ITK: variants seen among roughly 807,000 people sequenced by gnomAD.
ITK encodes tyrosine-protein kinase ITK/TSK.
A neutral mutation model predicts 87.6 loss-of-function variants in ITK; 45 were observed. The ratio of observed to expected loss-of-function variants is 0.51; its 90% confidence interval spans 0.40 to 0.66. The LOEUF is 0.66. Among genes scored for constraint, ITK ranks in the 30% least tolerant of loss-of-function variants. ITK has a pLI of 0.00. For synonymous variants in ITK, 303 were observed against 273.6 expected, an observed-to-expected ratio of 1.11 and a Z score of -1.06; for missense variants, 605 against 766.3, an observed-to-expected ratio of 0.79 and a Z score of 2.48.
intron 3 of ITK, among the ~76,000 whole-genome samples, chr5:157,213,988 G>A (rs137983664): frequency 1.4e-4 from 21 of 152,304 alleles, no homozygotes; most frequent in Non-Finnish European, 2.6e-4. Context: ...GCCTAGATGT[G>A]CTGATGCCTA....
In ITK at chr5:157,208,872, T is replaced by A. The variant is rs187317943; in HGVS notation, c.139-17T>A. On this transcript the variant is annotated splice_polypyrimidine_tract_variant and intron_variant, in intron 1 of 16. Coordinates refer to ENST00000422843, the MANE Select transcript of ITK (RefSeq NM_005546.4). ...TCTTCTTTCTTACATGAATGGGATG[T>A]TCTTCTCTCCCCACAGAAGAAGCGC... The A allele has an allele frequency of 5.8e-6, 9 of 1,557,396 alleles. No individual in the cohort carries two copies. In the East Asian group the frequency reaches 1.8e-4, roughly 31 times the overall value.
At chr5:157,236,236 G>T (rs902998567) in intron 8 of ITK, among the ~76,000 whole-genome samples, 5 of 152,104 alleles carry the variant, frequency 3.3e-5, no homozygotes, top group African/African-American at 1.2e-4. Context: ...TTAGCCAGGC[G>T]TGGTGGCGGG....
rs1755182899 is a variant in ITK at position 157,253,380 on chromosome 5, C to T, written c.*702C>T. On this transcript the variant is annotated 3_prime_UTR_variant, in exon 17 of 17. Transcript: ENST00000422843. ...TGGATTGGGGTGAACAGTTCAGGTC[C>T]CATGCTTGGAGCATTGGGTATCTGA... 2 of 228,086 alleles carry T rather than the reference C, an allele frequency of 8.8e-6. No individual in the cohort carries two copies. Among genetic ancestry groups the T allele is most frequent in the Non-Finnish European group, 1.7e-5 (2 of 114,948 alleles). 14.1% of individuals were successfully genotyped at this position (228,086 alleles called of 1,614,324 possible).
rs760575518 is a variant in ITK, at chr5:157,245,905, C to T, written c.1539C>T (p.Thr513=). Residue 513 remains threonine (T), a synonymous_variant, in exon 15 of 17, where the codon ACC becomes ACT. Coordinates refer to ENST00000422843, the MANE Select transcript of ITK (RefSeq NM_005546.4). ...GGTTCGTTCTGGATGATCAGTACAC[C>T]AGTTCCACAGGCACCAAATTCCCGG... ...MTRFVLDDQY[T]SSTGTKFPVK... is the part of the protein sequence containing the mutation. 6.2e-7 allele frequency: 1 copy of T among 1,614,026 alleles called. No individual in the cohort carries two copies. The highest frequency in any genetic ancestry group is 1.3e-5 in the African/African-American group (1 of 74,944).
At chr5:157,235,047 T>G (rs1754750042) in intron 8 of ITK, among the ~76,000 whole-genome samples, 1 of 152,226 alleles carries the variant, frequency 6.6e-6, no homozygotes, top group Admixed American at 6.5e-5. Flanking sequence ...ATCTTGTTCC[T>G]GCTGTACTTA....
chr5:157,222,790 A>C (rs1327679112), intron 5 of ITK, 73 bp from the exon 6 acceptor site: 1 of 1,471,358 alleles, frequency 6.8e-7, no homozygotes. Flanking sequence ...GTCTCCCCAG[A>C]CACCCCGATG....
Position 157,253,000 on chromosome 5 carries a change from CAGAG to C in ITK, c.*328_*331del. The C allele has an allele frequency of 6.9e-6, 3 of 437,704 alleles. No individual in the cohort carries two copies. The highest frequency in any genetic ancestry group is 1.3e-5 in the Non-Finnish European group (3 of 233,856). 27.1% of individuals were successfully genotyped at this position (437,704 alleles called of 1,614,324 possible). A position where few individuals can be genotyped will look rare whatever the true frequency, so the allele number is the denominator to read the frequency against. On this transcript the variant is annotated 3_prime_UTR_variant, in exon 17 of 17. Coordinates refer to ENST00000422843, the MANE Select transcript of ITK (RefSeq NM_005546.4). ...ACAGCATTCTTGCACTTCTTAGCAA[CAGAG>C]AGAGACATGAGTAAGACCCAGATTG...
At chr5:157,212,933 C>T (rs1291950457) in intron 3 of ITK, among the ~76,000 whole-genome samples, 5 of 152,100 alleles carry the variant, frequency 3.3e-5, no homozygotes, top group African/African-American at 4.8e-5. Flanking sequence ...GGATTTTATA[C>T]ACAGGGTGTT....
Position 157,239,072 on chromosome 5 carries a change from C to T in ITK, c.851+881C>T, listed in dbSNP as rs565378086. 6.6e-5 allele frequency among the ~76,000 whole-genome samples: 10 copies of T among 152,228 alleles called. No individual in the cohort carries two copies. The South Asian group carries it at 1.9e-3, about 28-fold the overall frequency. ...CATCACAGAGGGGCCGTGCCTCTACCATGGCTGGGAGACAGTAAGGAGGTG... is the reference window on the plus strand; with the variant it reads ...CATCACAGAGGGGCCGTGCCTCTACTATGGCTGGGAGACAGTAAGGAGGTG... On this transcript the variant is annotated intron_variant, in intron 9 of 16. Coordinates refer to ENST00000422843, the MANE Select transcript of ITK (RefSeq NM_005546.4).
chr5:157,245,840 C>T, intron 14 of ITK, 41 bp from the exon 15 acceptor site: 3 of 1,608,556 alleles, frequency 1.9e-6, no homozygotes, highest in South Asian at 2.2e-5. Flanking sequence ...GGACTGAGGC[C>T]CCCGGAACAT....
At chr5:157,184,312 T>C (rs564335584) in intron 1 of ITK, among the ~76,000 whole-genome samples, 71 of 152,312 alleles carry the variant, frequency 4.7e-4, no homozygotes, top group African/African-American at 1.7e-3. Context: ...ATTCCCATCA[T>C]GGCCCATTTT....
At chr5:157,219,254 A>G (rs1754364287) in intron 5 of ITK, among the ~76,000 whole-genome samples, 1 of 151,818 alleles carries the variant, frequency 6.6e-6, no homozygotes, top group African/African-American at 2.4e-5. Context: ...CTGGGATTAC[A>G]GGCGCTCACC....
At chr5:157,187,314 C>G (rs73814023) in intron 1 of ITK, among the ~76,000 whole-genome samples, 1 of 152,216 alleles carries the variant, frequency 6.6e-6, no homozygotes, top group African/African-American at 2.4e-5. Flanking sequence ...ATAAAGATGG[C>G]CTTGCCAGTG....
chr5:157,241,861 C>A, intron 11 of ITK, 141 bp downstream of exon 11: 1 of 680,858 alleles, frequency 1.5e-6, no homozygotes, highest in South Asian at 1.6e-5. Context: ...GAGATGATGG[C>A]ACTAATGAAT....
intron 5 of ITK, among the ~76,000 whole-genome samples, chr5:157,218,523 A>AC (rs1754347142): frequency 2.0e-5 from 3 of 151,794 alleles, no homozygotes; most frequent in Non-Finnish European, 4.4e-5. Flanking sequence ...AAAAAAAAAA[A>AC]AAAAACAAGG....
At chr5:157,238,406 T>C (rs1476537959) in intron 9 of ITK, among the ~76,000 whole-genome samples, 2 of 152,226 alleles carry the variant, frequency 1.3e-5, no homozygotes, top group African/African-American at 4.8e-5. Context: ...GGATGCCAGG[T>C]CCTCTTTCAA....
intron 5 of ITK, among the ~76,000 whole-genome samples, chr5:157,221,748 C>T (rs1754418922): frequency 6.6e-6 from 1 of 152,244 alleles, no homozygotes; most frequent in Non-Finnish European, 1.5e-5. Context: ...TCCTTGAACA[C>T]TATTCCTCCC....
chr5:157,251,820 A>G (rs893458185), intron 16 of ITK, among the ~76,000 whole-genome samples: 1 of 152,190 alleles, frequency 6.6e-6, no homozygotes. Context: ...ATATGGATCT[A>G]TATCTGGGCT....
chr5:157,182,257 T>C (rs978446302), intron 1 of ITK, among the ~76,000 whole-genome samples: 1 of 152,136 alleles, frequency 6.6e-6, no homozygotes, highest in African/African-American at 2.4e-5. Flanking sequence ...CTCCAGTTCT[T>C]TGTTGGAGTC....
Sources: gnomAD v4.1 joint callset for allele counts (sites outside exome capture counted in the v4.1 genomes callset) on GRCh38, gnomAD v4.1.1 for gene constraint, MANE v1.5 for transcripts, NCBI Gene and HGNC (gene_info 2026-07-23, HGNC 2026-07-21) for gene names.